Variants in CCDC146 observed in about 807,000 individuals in gnomAD.
The protein encoded by CCDC146 is coiled-coil domain containing 146.
CCDC146 carries 92 observed loss-of-function variants against 119.3 expected under a neutral mutation model. The observed-to-expected ratio is 0.77, with a 90% confidence interval of 0.65 to 0.92. The LOEUF (loss-of-function observed/expected upper bound fraction) is 0.92. CCDC146 is among the 40% of genes least tolerant of loss of function. The pLI, the probability that CCDC146 is intolerant of heterozygous loss-of-function variation, is 0.00. For missense variants in CCDC146, 1,000 were observed against 1,103.0 expected (o/e 0.91, Z 1.32); for synonymous variants, 372 against 371.8 (o/e 1.00, Z -0.01).
chr7:77,272,999 A>G (rs1793555903), intron 9 of CCDC146, among the ~76,000 whole-genome samples: 1 of 152,156 alleles, frequency 6.6e-6, no homozygotes, highest in Non-Finnish European at 1.5e-5. Flanking sequence ...ATCCTATACA[A>G]TTTCATAAAT....
chr7:77,236,543 A>G (rs1792740695), intron 2 of CCDC146, among the ~76,000 whole-genome samples: 2 of 152,236 alleles, frequency 1.3e-5, no homozygotes, highest in South Asian at 4.1e-4. Flanking sequence ...TAAGAATGAA[A>G]TAACTGATGG....
rs759178754 is a variant in CCDC146 at position 77,279,035 on chromosome 7, A to T, written c.1628A>T (p.Lys543Ile). 6.2e-7 allele frequency: 1 copy of T among 1,609,560 alleles called. No individual in the cohort carries two copies. The highest frequency in any genetic ancestry group is 8.5e-7 in the Non-Finnish European group (1 of 1,177,688). Residue 543 changes from lysine (K) to isoleucine (I), a missense_variant, in exon 13 of 19, where the codon AAA (lysine) becomes ATA (isoleucine). Coordinates refer to ENST00000285871, the MANE Select transcript of CCDC146 (RefSeq NM_020879.3). ...HKAHQKVNEI[K>I]ERHKMSLNEL... ...GCTCATCAGAAAGTAAATGAAATAAAAGAAAGGCATAAAATGTCATTAAAT... is the reference window on the plus strand; with the variant it reads ...GCTCATCAGAAAGTAAATGAAATAATAGAAAGGCATAAAATGTCATTAAAT...
chr7:77,165,153 A>C (rs1791322061), intron 1 of CCDC146, among the ~76,000 whole-genome samples: 1 of 152,062 alleles, frequency 6.6e-6, no homozygotes, highest in Non-Finnish European at 1.5e-5. Flanking sequence ...CTTGCTGACT[A>C]AGACAGAGTC....
rs535424795 is a variant in CCDC146, at chr7:77,240,428, T to A, written c.240-1263T>A. On this transcript the variant is annotated intron_variant, in intron 3 of 18. Coordinates refer to ENST00000285871, the MANE Select transcript of CCDC146 (RefSeq NM_020879.3). Reference sequence around the variant, plus strand: ...TCCTTGGGGGATTGATTCCAGGACCTCCTGCAGATACCAAAATCCATGGAT... The same window carrying A: ...TCCTTGGGGGATTGATTCCAGGACCACCTGCAGATACCAAAATCCATGGAT... Among the ~76,000 whole-genome samples the A allele has an allele frequency of 1.4e-4, 21 of 152,344 alleles. No homozygotes were observed. In the East Asian group the frequency reaches 3.1e-3, roughly 22 times the overall value.
intron 11 of CCDC146, 117 bp from the exon 12 acceptor site, chr7:77,278,635 A>C: frequency 1.5e-6 from 1 of 688,740 alleles, no homozygotes; most frequent in South Asian, 1.9e-5. Flanking sequence ...TGTAGAGATG[A>C]GGTCTCACTA....
chr7:77,291,106 TG>T (rs1404487546), intron 17 of CCDC146, among the ~76,000 whole-genome samples: 1 of 152,216 alleles, frequency 6.6e-6, no homozygotes, highest in Non-Finnish European at 1.5e-5. Flanking sequence ...CTTGTCCTCA[TG>T]AAGAGTACAT....
At chr7:77,282,053 T>C (rs1380288723) in intron 14 of CCDC146, among the ~76,000 whole-genome samples, 4 of 152,152 alleles carry the variant, frequency 2.6e-5, no homozygotes, top group African/African-American at 4.8e-5. Context: ...AAAGGATAGA[T>C]TTTTGCCTGT....
chr7:77,195,278 C>A (rs914719487), intron 2 of CCDC146: 1 of 149,688 alleles, frequency 6.7e-6, no homozygotes, highest in Non-Finnish European at 1.5e-5. Flanking sequence ...AAGCAGTTTT[C>A]AACATCAAAC....
At position 77,229,225 on chromosome 7, in the gene CCDC146, C is replaced by T. The variant is rs550017994; in HGVS notation, c.157-7722C>T. On this transcript the variant is annotated intron_variant, in intron 2 of 18. Coordinates refer to ENST00000285871, the MANE Select transcript of CCDC146 (RefSeq NM_020879.3). ...TCCTTATAGATGCTGGATATTAGAC[C>T]TTTGTCGGATGCATAGTTTGCAAAA... Among the ~76,000 whole-genome samples the T allele has an allele frequency of 2.0e-5, 3 of 152,200 alleles. No individual in the cohort carries two copies. In the South Asian group the frequency reaches 6.2e-4, roughly 32 times the overall value.
intron 14 of CCDC146, among the ~76,000 whole-genome samples, chr7:77,280,926 A>AC (rs1384163485): frequency 6.6e-6 from 1 of 152,036 alleles, no homozygotes; most frequent in Non-Finnish European, 1.5e-5. Context: ...ATAGGGTGAA[A>AC]CCCCATCCCT....
chr7:77,269,382 T>G (rs1001226254), intron 9 of CCDC146, among the ~76,000 whole-genome samples: 5 of 152,144 alleles, frequency 3.3e-5, no homozygotes, highest in Admixed American at 3.3e-4. Flanking sequence ...TTTCTCCGTG[T>G]TTTTTCTGTA....
chr7:77,260,378 T>C (rs1034355904), intron 8 of CCDC146, 142 bp downstream of exon 8: 7 of 607,348 alleles, frequency 1.2e-5, no homozygotes, highest in African/African-American at 9.4e-5. Flanking sequence ...TAATATATTA[T>C]CAAATAAAGC....
At chr7:77,289,012 A>G (rs1793897037) in intron 17 of CCDC146, among the ~76,000 whole-genome samples, 1 of 151,848 alleles carries the variant, frequency 6.6e-6, no homozygotes, top group South Asian at 2.1e-4. Flanking sequence ...GATGACTTCC[A>G]TGACTAGACT....
chr7:77,275,035 T>C (rs1361704636), intron 11 of CCDC146, among the ~76,000 whole-genome samples: 2 of 146,928 alleles, frequency 1.4e-5, no homozygotes, highest in African/African-American at 5.1e-5. Flanking sequence ...AATAAAAATA[T>C]ATAAATATTA....
intron 2 of CCDC146, among the ~76,000 whole-genome samples, chr7:77,197,230 C>T (rs774607744): frequency 6.6e-5 from 10 of 152,122 alleles, no homozygotes; most frequent in African/African-American, 1.4e-4. Flanking sequence ...CAACAGCAAA[C>T]GACAATAAGA....
chr7:77,239,767 T>A (rs556495290), intron 3 of CCDC146, among the ~76,000 whole-genome samples: 2 of 152,236 alleles, frequency 1.3e-5, no homozygotes, highest in Non-Finnish European at 2.9e-5. Context: ...TTGGAGCCGA[T>A]GCTTGCTGAT....
intron 2 of CCDC146, among the ~76,000 whole-genome samples, chr7:77,204,936 T>C (rs1214447177): frequency 6.6e-6 from 1 of 152,126 alleles, no homozygotes; most frequent in Non-Finnish European, 1.5e-5. Flanking sequence ...TTGGGCAACA[T>C]AGTGAGACCC....
intron 1 of CCDC146, among the ~76,000 whole-genome samples, chr7:77,138,370 C>G (rs1790888945): frequency 6.7e-6 from 1 of 148,976 alleles, no homozygotes; most frequent in South Asian, 2.1e-4. Context: ...TTCTTCCACT[C>G]TTAACAAAAA....
rs533991079 is a variant in CCDC146 at position 77,294,594 on chromosome 7, G to A, written c.2665-69G>A. The stretch of plus-strand genomic sequence containing the variant: ...ACTGTCCAGACCAGCTGTGTCTTTT[G>A]GGACCTAAGGATAAAGTGACTTCAC... On this transcript the variant is annotated intron_variant, in intron 18 of 18. Coordinates refer to ENST00000285871, the MANE Select transcript of CCDC146 (RefSeq NM_020879.3). The A allele has an allele frequency of 1.4e-5, 21 of 1,466,210 alleles. No homozygotes were observed. The Admixed American group carries it at 2.2e-4, about 15-fold the overall frequency. The allele number at this position is 1,466,210 out of a possible 1,614,324, so 90.8% of individuals were successfully genotyped here.
Sources: gnomAD v4.1 joint callset for allele counts (sites outside exome capture counted in the v4.1 genomes callset) on GRCh38, gnomAD v4.1.1 for gene constraint, MANE v1.5 for transcripts, NCBI Gene and HGNC (gene_info 2026-07-23, HGNC 2026-07-21) for gene names.